WWOX: variants seen among roughly 807,000 people sequenced by gnomAD.
WWOX encodes the protein WW domain-containing oxidoreductase.
Under a neutral mutation model 46.2 loss-of-function variants are expected in WWOX, and 69 were observed. The ratio of observed to expected loss-of-function variants is 1.49; its 90% CI spans 1.23 to 1.82. The LOEUF (loss-of-function observed/expected upper bound fraction) is 1.82. Among genes scored for constraint, WWOX ranks in the 40% most tolerant of loss-of-function variants. The probability of loss-of-function intolerance (pLI) is 0.00; values close to 1 mark genes in which losing one functional copy is unlikely to be tolerated. For synonymous variants in WWOX, 359 were observed against 202.6 expected (o/e 1.77, Z -6.56); for missense variants, 919 against 542.6 (o/e 1.69, Z -6.89).
intron 5 of WWOX, among the ~76,000 whole-genome samples, chr16:78,283,837 T>C (rs2079724720): frequency 6.6e-6 from 1 of 152,228 alleles, no homozygotes; most frequent in Non-Finnish European, 1.5e-5. Context: ...TAAGCTTCAC[T>C]TTATTGGATA....
chr16:78,637,441 CA>C (rs11426631), intron 8 of WWOX, among the ~76,000 whole-genome samples: 6,248 of 139,178 alleles, frequency 0.045, 347 homozygotes, highest in African/African-American at 0.14. Context: ...AACTCTGTCT[CA>C]AAAAAAAAAA....
intron 5 of WWOX, among the ~76,000 whole-genome samples, chr16:78,248,892 G>C (rs1281493179): frequency 1.5e-5 from 2 of 131,656 alleles, no homozygotes; most frequent in Middle Eastern, 4.3e-3. Flanking sequence ...TTTTGAGGCA[G>C]AGTCTTGCTC....
At chr16:78,800,209 C>T (rs867653936) in intron 8 of WWOX, among the ~76,000 whole-genome samples, 3 of 151,400 alleles carry the variant, frequency 2.0e-5, no homozygotes, top group Admixed American at 6.6e-5. Context: ...GCGGTAGATG[C>T]GATTTTAATG....
chr16:78,729,695 T>C (rs149117371), intron 8 of WWOX, among the ~76,000 whole-genome samples: 6 of 152,148 alleles, frequency 3.9e-5, no homozygotes. Flanking sequence ...GTTTCTGTTG[T>C]GTGTAGGCAC....
At chr16:78,313,852 C>T (rs960962384) in intron 5 of WWOX, among the ~76,000 whole-genome samples, 1 of 152,160 alleles carries the variant, frequency 6.6e-6, no homozygotes, top group Non-Finnish European at 1.5e-5. Context: ...CATTTAGCTT[C>T]ACTTCCCTGT....
At chr16:79,188,152 C>T (rs2051057025) in intron 8 of WWOX, among the ~76,000 whole-genome samples, 1 of 152,120 alleles carries the variant, frequency 6.6e-6, no homozygotes, top group East Asian at 1.9e-4. Flanking sequence ...AGAAGAAAAC[C>T]CACGAAGTCT....
At chr16:79,006,686 G>C (rs113811756) in intron 8 of WWOX, among the ~76,000 whole-genome samples, 4 of 152,266 alleles carry the variant, frequency 2.6e-5, no homozygotes, top group East Asian at 1.9e-4. Flanking sequence ...TCCAGGTGTA[G>C]GTGGGGCTGG....
intron 5 of WWOX, chr16:78,179,743 A>G (rs557225380): frequency 6.6e-6 from 1 of 152,244 alleles, no homozygotes; most frequent in Non-Finnish European, 1.5e-5. Context: ...AACAGCCGAG[A>G]GATGAAATGC....
intron 8 of WWOX, among the ~76,000 whole-genome samples, chr16:78,737,309 A>AT (rs139216389): frequency 0.15 from 22,674 of 151,192 alleles, 2,079 homozygotes; most frequent in African/African-American, 0.25. Flanking sequence ...TAATATATAT[A>AT]TTTTTTAGTA....
intron 8 of WWOX, among the ~76,000 whole-genome samples, chr16:78,836,399 G>A (rs560817012): frequency 6.8e-4 from 103 of 152,256 alleles, no homozygotes; most frequent in South Asian, 1.2e-3. Context: ...TGGTTTCCCT[G>A]GGATTGAGGT....
intron 5 of WWOX, among the ~76,000 whole-genome samples, chr16:78,234,887 T>A (rs2151811950): frequency 6.6e-6 from 1 of 151,880 alleles, no homozygotes; most frequent in East Asian, 1.9e-4. Context: ...TATAGCAGGA[T>A]CTTGGAGATG....
intron 8 of WWOX, among the ~76,000 whole-genome samples, chr16:78,509,129 C>T (rs560374000): frequency 6.6e-6 from 1 of 152,144 alleles, no homozygotes; most frequent in African/African-American, 2.4e-5. Context: ...AGGACAATGA[C>T]AAAGTTATTC....
chr16:78,557,448 G>T lies in WWOX; in HGVS notation c.1056+124696G>T, dbSNP rs149355865. On this transcript the variant is annotated intron_variant, in intron 8 of 8. Coordinates refer to ENST00000566780, the MANE Select transcript of WWOX (RefSeq NM_016373.4). The stretch of plus-strand genomic sequence containing the variant: ...TGCAGGCACCATTCTAGGTGTTGGG[G>T]ATACATCCAAAAACAAGCAGGAAAA... Among the ~76,000 whole-genome samples the T allele has an allele frequency of 3.3e-5, 5 of 152,140 alleles. No homozygotes were observed. The East Asian group carries it at 9.7e-4, about 30-fold the overall frequency.
intron 8 of WWOX, among the ~76,000 whole-genome samples, chr16:78,580,318 C>A (rs2045016932): frequency 6.6e-6 from 1 of 152,124 alleles, no homozygotes; most frequent in Non-Finnish European, 1.5e-5. Context: ...CAGTATTGCA[C>A]CTTCCTCGGC....
At chr16:78,195,005 T>G (rs1056825805) in intron 5 of WWOX, among the ~76,000 whole-genome samples, 3 of 152,198 alleles carry the variant, frequency 2.0e-5, no homozygotes, top group African/African-American at 7.2e-5. Flanking sequence ...AAGGCACACG[T>G]GGCCTTGCTG....
At chr16:78,253,171 A>G (rs2038031382) in intron 5 of WWOX, among the ~76,000 whole-genome samples, 1 of 152,190 alleles carries the variant, frequency 6.6e-6, no homozygotes, top group Admixed American at 6.5e-5. Context: ...ATATCACTGA[A>G]GAGAGGGAAT....
At chr16:78,601,042 A>G (rs2045610484) in intron 8 of WWOX, among the ~76,000 whole-genome samples, 2 of 152,164 alleles carry the variant, frequency 1.3e-5, no homozygotes, top group Non-Finnish European at 2.9e-5. Context: ...CAGTTTCCAC[A>G]TAATACCTGG....
At chr16:78,429,823 A>G (rs1211065602) in intron 7 of WWOX, among the ~76,000 whole-genome samples, 1 of 152,254 alleles carries the variant, frequency 6.6e-6, no homozygotes, top group Non-Finnish European at 1.5e-5. Flanking sequence ...TAACTGAAAC[A>G]AAATGGCGTG....
intron 8 of WWOX, among the ~76,000 whole-genome samples, chr16:78,935,861 C>G (rs368358196): frequency 6.6e-6 from 1 of 151,930 alleles, no homozygotes. Flanking sequence ...GCAGTGAGCT[C>G]ACATCACACC....
Sources: gnomAD v4.1 joint callset for allele counts (sites outside exome capture counted in the v4.1 genomes callset) on GRCh38, gnomAD v4.1.1 for gene constraint, MANE v1.5 for transcripts, NCBI Gene and HGNC (gene_info 2026-07-23, HGNC 2026-07-21) for gene names.